Variants in AFF3 observed in about 807,000 individuals in gnomAD.
AFF3 encodes the protein AF4/FMR2 family member 3.
In AFF3, 32 loss-of-function variants were observed where a neutral mutation model predicts 129.7. The observed-to-expected ratio is 0.25, with a 90% CI of 0.19 to 0.33. The LOEUF (loss-of-function observed/expected upper bound fraction) is 0.33, where lower values mean the gene tolerates loss of function less well. Ranked by LOEUF, AFF3 falls within the 10% of genes least tolerant of loss-of-function variation. AFF3 has a pLI of 1.00. For synonymous variants in AFF3, 644 were observed against 635.4 expected (o/e 1.01, Z -0.20); for missense variants, 1,373 against 1,592.0 (o/e 0.86, Z 2.34).
intron 7 of AFF3, among the ~76,000 whole-genome samples, chr2:99,856,136 A>G (rs1231540957): frequency 6.6e-6 from 1 of 152,220 alleles, no homozygotes; most frequent in African/African-American, 2.4e-5. Flanking sequence ...TTCTAGATGA[A>G]ATTCAAGAGT....
intron 2 of AFF3, among the ~76,000 whole-genome samples, chr2:100,121,789 G>A (rs1442728857): frequency 7.2e-5 from 11 of 152,172 alleles, no homozygotes; most frequent in African/African-American, 2.4e-4. Context: ...ATGGCCGGGC[G>A]CGGTGGCTCA....
intron 11 of AFF3, among the ~76,000 whole-genome samples, chr2:99,723,260 C>T (rs1303824365): frequency 2.0e-5 from 3 of 152,192 alleles, no homozygotes; most frequent in Non-Finnish European, 2.9e-5. Context: ...GTTGTCCAGA[C>T]TGTGTCATAC....
At chr2:99,576,083 A>C (rs1676960887) in intron 18 of AFF3, among the ~76,000 whole-genome samples, 1 of 151,236 alleles carries the variant, frequency 6.6e-6, no homozygotes, top group African/African-American at 2.4e-5. Context: ...GCCCAGGCTG[A>C]AGAGTGGTAG....
chr2:99,720,145 G>T (rs1286270482), intron 11 of AFF3, among the ~76,000 whole-genome samples: 1 of 152,194 alleles, frequency 6.6e-6, no homozygotes, highest in Admixed American at 6.5e-5. Flanking sequence ...TTTAATTGGA[G>T]TTTTTTCAGT....
chr2:99,991,062 C>T (rs1247981794), intron 7 of AFF3, among the ~76,000 whole-genome samples: 2 of 152,114 alleles, frequency 1.3e-5, no homozygotes, highest in Non-Finnish European at 2.9e-5. Context: ...CCCGTGGAAC[C>T]ATCATGTTCT....
intron 2 of AFF3, chr2:100,107,136 A>T: frequency 3.0e-6 from 3 of 985,442 alleles, no homozygotes; most frequent in Non-Finnish European, 3.6e-6. Context: ...TTATGTTTTC[A>T]TGTAATAGTG....
chr2:99,674,812 C>G (rs1028984081), intron 11 of AFF3, among the ~76,000 whole-genome samples: 2 of 152,202 alleles, frequency 1.3e-5, no homozygotes, highest in Non-Finnish European at 2.9e-5. Flanking sequence ...TGGCTGCAAA[C>G]TAGCCGTGCA....
intron 10 of AFF3, among the ~76,000 whole-genome samples, chr2:99,740,128 C>A (rs563478654): frequency 6.6e-6 from 1 of 151,818 alleles, no homozygotes; most frequent in African/African-American, 2.4e-5. Flanking sequence ...TATGTCCCTA[C>A]AAAGGACGTG....
intron 8 of AFF3, among the ~76,000 whole-genome samples, chr2:99,820,829 C>T (rs1271663447): frequency 6.8e-6 from 1 of 147,162 alleles, no homozygotes; most frequent in Non-Finnish European, 1.5e-5. Context: ...TAGGCCCACA[C>T]AGGGCCAGGA....
chr2:99,719,010 C>G (rs943438896), intron 11 of AFF3, among the ~76,000 whole-genome samples: 1 of 148,612 alleles, frequency 6.7e-6, no homozygotes, highest in African/African-American at 2.5e-5. Flanking sequence ...CTTGGCCTCC[C>G]AAAGTGCTGG....
chr2:100,131,468 AT>A (rs1173907303), intron 1 of AFF3, among the ~76,000 whole-genome samples: 2 of 151,702 alleles, frequency 1.3e-5, no homozygotes, highest in South Asian at 2.1e-4. Flanking sequence ...TTTTATTTTT[AT>A]TTTTTTTAGA....
intron 4 of AFF3, among the ~76,000 whole-genome samples, chr2:100,079,509 T>C (rs1688871175): frequency 6.6e-6 from 1 of 152,206 alleles, no homozygotes; most frequent in South Asian, 2.1e-4. Context: ...TGCACCTTAT[T>C]TAACCACAGG....
At position 99,594,099 on chromosome 2, in the gene AFF3, T is replaced by A. The variant is rs767435547; in HGVS notation, c.1562A>T (p.Lys521Met). The A allele has an allele frequency of 6.2e-7, 1 of 1,614,006 alleles. No homozygotes were observed. The highest frequency in any genetic ancestry group is 1.1e-5 in the South Asian group (1 of 91,058). ...CTCCTTGCAAGTGCTCTTGATCTCC[T>A]TCTCTCTCAGGCTGGGCTGGCAAAC... ...PDVCQPSLRE[K>M]EIKSTCKEEQ... The change falls in exon 15 of 25, where the codon AAG becomes ATG. Residue 521 changes from lysine to methionine, a missense_variant. Lys to Met is a moderately conservative substitution (Grantham distance 95, BLOSUM62 -1). Transcript: ENST00000672756.
intron 18 of AFF3, chr2:99,572,605 T>C (rs1189708807): frequency 4.4e-6 from 2 of 455,624 alleles, no homozygotes; most frequent in East Asian, 7.0e-5. Flanking sequence ...CTTAGGGAAG[T>C]TGAAATCCAA....
At chr2:99,884,831 G>A (rs912672060) in intron 7 of AFF3, among the ~76,000 whole-genome samples, 8 of 152,226 alleles carry the variant, frequency 5.3e-5, no homozygotes, top group Admixed American at 1.3e-4. Flanking sequence ...ATTCTGGTGA[G>A]GGGGTGGCTG....
chr2:99,997,684 C>T (rs370534943), intron 7 of AFF3, among the ~76,000 whole-genome samples: 2 of 152,154 alleles, frequency 1.3e-5, no homozygotes, highest in Admixed American at 6.5e-5. Context: ...CCTTGCAAGA[C>T]GTGGCCTCCC....
intron 7 of AFF3, among the ~76,000 whole-genome samples, chr2:99,847,701 G>A (rs913854425): frequency 6.6e-6 from 1 of 151,860 alleles, no homozygotes; most frequent in Non-Finnish European, 1.5e-5. Context: ...GTCCCCTCTC[G>A]TTTTTCAGAG....
At chr2:99,634,056 A>G (rs1336869123) in intron 13 of AFF3, among the ~76,000 whole-genome samples, 2 of 151,828 alleles carry the variant, frequency 1.3e-5, no homozygotes, top group African/African-American at 2.4e-5. Flanking sequence ...CTGGGATTAC[A>G]GGCATGTGCC....
intron 4 of AFF3, among the ~76,000 whole-genome samples, chr2:100,103,437 C>G (rs1265206579): frequency 6.7e-6 from 1 of 149,870 alleles, no homozygotes; most frequent in Non-Finnish European, 1.5e-5. Context: ...AAACATAACA[C>G]AAGTTCCTCC....
Sources: allele counts gnomAD v4.1 joint callset (sites outside exome capture counted in the v4.1 genomes callset), GRCh38; gene constraint gnomAD v4.1.1; transcripts MANE v1.5; gene names NCBI Gene and HGNC (gene_info 2026-07-23, HGNC 2026-07-21).